Variants in DYNC2H1 observed in about 807,000 individuals in gnomAD.
DYNC2H1 encodes cytoplasmic dynein 2 heavy chain 1.
A neutral mutation model predicts 570.0 loss-of-function variants in DYNC2H1; 410 were observed. The ratio of observed to expected loss-of-function variants is 0.72; its 90% CI spans 0.66 to 0.78. The LOEUF is 0.78. DYNC2H1 is among the 30% of genes least tolerant of loss of function. The pLI is 0.00. For synonymous variants in DYNC2H1, 1,688 were observed against 1,677.6 expected (o/e 1.01, Z -0.15); for missense variants, 4,865 against 5,046.4 (o/e 0.96, Z 1.09).
rs1021702061 is a variant in DYNC2H1, at chr11:103,249,614, T to C, written c.10043-3671T>C. Among the ~76,000 whole-genome samples, 1 of 152,036 alleles carries C rather than the reference T, an allele frequency of 6.6e-6. No homozygotes were observed. Among genetic ancestry groups the C allele is most frequent in the African/African-American group, 2.4e-5 (1 of 41,420 alleles). ...AGAAAGAAAAAAAGCAGCACCTGAC[T>C]ACTCTAGACTGAGATCTGGCCAGAT... is the stretch of plus-strand genomic sequence containing the variant. On this transcript the variant is annotated intron_variant, in intron 65 of 88. Coordinates refer to ENST00000375735, the MANE Select transcript of DYNC2H1 (RefSeq NM_001377.3). This position sits in a 1 kb window ranked among gnomAD's most constrained non-coding sequence, Gnocchi z 4.6.
intron 82 of DYNC2H1, among the ~76,000 whole-genome samples, chr11:103,340,412 A>G (rs1939386013): frequency 1.3e-4 from 1 of 7,582 alleles, no homozygotes; most frequent in African/African-American, 1.4e-4. Context: ...ATTAAAATCA[A>G]TATTTTAGTT....
At chr11:103,257,480 A>G (rs960174103) in intron 68 of DYNC2H1, 128 bp from the exon 69 acceptor site, 89 of 877,102 alleles carry the variant, frequency 1.0e-4, no homozygotes, top group Middle Eastern at 2.9e-4. Flanking sequence ...CATTTGTTTT[A>G]TGTGCATAGA....
chr11:103,366,122 GA>G (rs1270705144), intron 83 of DYNC2H1, among the ~76,000 whole-genome samples: 1 of 152,226 alleles, frequency 6.6e-6, no homozygotes, highest in Non-Finnish European at 1.5e-5. Context: ...GGATTTGGAA[GA>G]AGTGATGCAA....
At chr11:103,142,610 A>G (rs1265964069) in intron 17 of DYNC2H1, among the ~76,000 whole-genome samples, 1 of 152,182 alleles carries the variant, frequency 6.6e-6, no homozygotes, top group African/African-American at 2.4e-5. Context: ...TGGAGGTTTC[A>G]GTGAGCTTAG....
intron 84 of DYNC2H1, among the ~76,000 whole-genome samples, chr11:103,431,865 T>C (rs1943904740): frequency 6.6e-6 from 1 of 152,132 alleles, no homozygotes; most frequent in Admixed American, 6.6e-5. Flanking sequence ...TTTTGAAGTA[T>C]TGGTTGTTCA....
intron 87 of DYNC2H1, 93 bp from the exon 88 acceptor site, chr11:103,468,496 A>T: frequency 1.2e-6 from 1 of 806,990 alleles, no homozygotes; most frequent in Non-Finnish European, 2.0e-6. Context: ...CGGTGAACAC[A>T]ATGGAAAGCA....
At chr11:103,329,403 CTG>C (rs61316217) in intron 82 of DYNC2H1, among the ~76,000 whole-genome samples, 22,954 of 151,906 alleles carry the variant, frequency 0.15, 1,862 homozygotes, top group Admixed American at 0.25. Flanking sequence ...AGAATCATCT[CTG>C]TAGAATGTTG....
At position 103,156,435 on chromosome 11, in the gene DYNC2H1, A is replaced by T. The variant is rs762546542; in HGVS notation, c.3792A>T (p.Leu1264Phe). The change falls in exon 26 of 89, where the codon TTA (leucine) becomes TTT (phenylalanine). Residue 1264 changes from leucine to phenylalanine, a missense_variant. Transcript: ENST00000375735. ...GTGAAGTTACAATCAGAGAAGCTTT[A>T]CGTGAACTTGATCTTTGGGGAGTTG... ...AQGEVTIREA[L>F]RELDLWGVGA... The T allele has an allele frequency of 6.8e-6, 11 of 1,613,760 alleles. No homozygotes were observed. Among genetic ancestry groups the T allele is most frequent in the Non-Finnish European group, 8.5e-6 (10 of 1,179,738 alleles).
intron 40 of DYNC2H1, among the ~76,000 whole-genome samples, chr11:103,183,494 T>G (rs1034134763): frequency 6.6e-5 from 10 of 151,894 alleles, no homozygotes; most frequent in Non-Finnish European, 1.0e-4. Context: ...TTTGTTTGTT[T>G]TATTTAATGT....
chr11:103,323,853 T>G (rs775738832), intron 81 of DYNC2H1, 33 bp from the exon 82 acceptor site: 2 of 1,532,734 alleles, frequency 1.3e-6, no homozygotes, highest in East Asian at 4.5e-5. Context: ...CTTTATTTTT[T>G]AAAAAAACTG....
rs61565760 is a variant in DYNC2H1 at position 103,446,037 on chromosome 11, TTTGTTGTTGTTGTTG to T, written c.12457-9131_12457-9117del. ...TGACAATATGGTAATAGAGCAGAGTTTTGTTGTTGTTGTTGTTGTTGTTGTTGTTGTTTAGGGAGG... is the reference window on the plus strand; with the variant it reads ...TGACAATATGGTAATAGAGCAGAGTTTTGTTGTTGTTGTTGTTTAGGGAGG... On this transcript the variant is annotated intron_variant, in intron 85 of 88. Transcript: ENST00000375735. The surrounding 1 kb of genome is among the most constrained non-coding windows in gnomAD (Gnocchi z 4.5). Among the ~76,000 whole-genome samples, 2 of 150,478 alleles carry T rather than the reference TTTGTTGTTGTTGTTG, an allele frequency of 1.3e-5. No individual in the cohort carries two copies. The highest frequency in any genetic ancestry group is 6.6e-5 in the Admixed American group (1 of 15,072).
intron 84 of DYNC2H1, chr11:103,405,202 T>C (rs1276728294): frequency 6.6e-6 from 1 of 151,700 alleles, no homozygotes; most frequent in East Asian, 1.9e-4. Context: ...AAAAAAGTAG[T>C]ATTGAGGTTA....
Position 103,109,625 on chromosome 11 carries a change from C to T in DYNC2H1, c.51C>T (p.Thr17=). 6.2e-7 allele frequency: 1 copy of T among 1,613,968 alleles called. No individual in the cohort carries two copies. ...DVRKLFIFTT[T]QNYFGLMSEL... is the part of the protein sequence containing the mutation. ...GGAAGCTCTTCATCTTCACTACTAC[C>T]CAGAATTACTTCGGGTTGATGTCTG... is the stretch of plus-strand genomic sequence containing the variant. The change falls in exon 1 of 89, where the codon ACC becomes ACT. Residue 17 remains threonine (T), a synonymous_variant. Coordinates refer to ENST00000375735, the MANE Select transcript of DYNC2H1 (RefSeq NM_001377.3).
At chr11:103,231,376 T>C in intron 60 of DYNC2H1, 30 bp downstream of exon 60, 1 of 1,438,424 alleles carries the variant, frequency 7.0e-7, no homozygotes. Flanking sequence ...GTATTTTGGA[T>C]AATGCTGAGA....
At chr11:103,393,696 A>G (rs1942269231) in intron 83 of DYNC2H1, among the ~76,000 whole-genome samples, 1 of 152,182 alleles carries the variant, frequency 6.6e-6, no homozygotes, top group African/African-American at 2.4e-5. Context: ...ATACTCCTGT[A>G]TTAGTCCATT....
Position 103,254,039 on chromosome 11 carries a change from A to G in DYNC2H1, c.10206+591A>G, listed in dbSNP as rs1864946995. ...TGGAGTATCATCCTATTTTTTACTC[A>G]TCTAACAATAGTAGATTTTTTTCAT... On this transcript the variant is annotated intron_variant, in intron 66 of 88. Transcript: ENST00000375735. The surrounding 1 kb of genome is among the most constrained non-coding windows in gnomAD (Gnocchi z 4.9). 6.6e-6 allele frequency among the ~76,000 whole-genome samples: 1 copy of G among 152,152 alleles called. No homozygotes were observed. Among genetic ancestry groups the G allele is most frequent in the African/African-American group, 2.4e-5 (1 of 41,446 alleles).
At chr11:103,155,997 C>T (rs1488603637) in intron 25 of DYNC2H1, among the ~76,000 whole-genome samples, 1 of 152,156 alleles carries the variant, frequency 6.6e-6, no homozygotes, top group Non-Finnish European at 1.5e-5. Flanking sequence ...GTATCAGAAT[C>T]TACAATAAGA....
chr11:103,140,396 G>T (rs1466879308), intron 17 of DYNC2H1, among the ~76,000 whole-genome samples: 1 of 151,908 alleles, frequency 6.6e-6, no homozygotes, highest in Non-Finnish European at 1.5e-5. Flanking sequence ...AACTCTTTTA[G>T]GGCAGGCCTG....
intron 70 of DYNC2H1, among the ~76,000 whole-genome samples, chr11:103,278,384 A>C (rs1378877020): frequency 6.6e-6 from 1 of 152,188 alleles, no homozygotes; most frequent in Non-Finnish European, 1.5e-5. Context: ...ACATTATCTA[A>C]TCTAATTATT....
Sources: allele counts gnomAD v4.1 joint callset (sites outside exome capture counted in the v4.1 genomes callset), GRCh38; gene constraint gnomAD v4.1.1; non-coding constraint Gnocchi (gnomAD v3.1); transcripts MANE v1.5; gene names NCBI Gene and HGNC (gene_info 2026-07-23, HGNC 2026-07-21).